The following TLN1 variants were observed in gnomAD, a reference collection of about 807,000 sequenced individuals.
TLN1 encodes talin 1.
Under a neutral mutation model 292.3 loss-of-function variants are expected in TLN1, and 56 were observed. The observed-to-expected ratio is 0.19, with a 90% CI of 0.15 to 0.24. The LOEUF (loss-of-function observed/expected upper bound fraction) is 0.24, where lower values mean the gene tolerates loss of function less well. TLN1 is among the 10% of genes least tolerant of loss of function. The pLI is 1.00. For missense variants in TLN1, 2,433 were observed against 3,248.2 expected, an observed-to-expected ratio of 0.75 and a Z score of 6.10; for synonymous variants, 1,119 against 1,253.7, an observed-to-expected ratio of 0.89 and a Z score of 2.27.
intron 33 of TLN1, 150 bp downstream of exon 33, chr9:35,710,411 G>C: frequency 9.2e-7 from 1 of 1,087,256 alleles, no homozygotes; most frequent in East Asian, 2.4e-5. Flanking sequence ...GCTGACAAGT[G>C]TCTCCACTTC....
chr9:35,703,527 C>T (rs1825505498), intron 48 of TLN1, 33 bp downstream of exon 48: 2 of 1,586,304 alleles, frequency 1.3e-6, no homozygotes, highest in African/African-American at 2.7e-5. Context: ...CTCTCTCTGA[C>T]CCTAGTCACT....
rs780161789 is a variant in TLN1 at position 35,722,128 on chromosome 9, G to A, written c.939C>T (p.Phe313=). 5.0e-6 allele frequency: 8 copies of A among 1,614,138 alleles called. No individual in the cohort carries two copies. The highest frequency in any genetic ancestry group is 6.8e-6 in the Non-Finnish European group (8 of 1,179,972). Residue 313 remains phenylalanine, a synonymous_variant, in exon 9 of 57, where the codon TTC becomes TTT. Coordinates refer to ENST00000314888, the MANE Select transcript of TLN1 (RefSeq NM_006289.4). ...AGGGCCCATAACCTACCTTCACCAG[G>A]AAGAAGGAGACACCGTAAGTCTTGA... is the stretch of plus-strand genomic sequence containing the variant. ...RSLKTYGVSF[F]LVKEKMKGKN...
At chr9:35,725,490 C>T (rs755118189) in intron 2 of TLN1, 75 bp downstream of exon 2, 23 of 1,583,382 alleles carry the variant, frequency 1.5e-5, no homozygotes, top group Non-Finnish European at 2.0e-5. Context: ...AAGGGGTCAA[C>T]TCTCAAGGCC....
At position 35,710,843 on chromosome 9, in the gene TLN1, T is replaced by C; in HGVS notation, c.4157A>G (p.Asp1386Gly). 6.2e-7 allele frequency: 1 copy of C among 1,614,210 alleles called. No homozygotes were observed. Among genetic ancestry groups the C allele is most frequent in the Non-Finnish European group, 8.5e-7 (1 of 1,180,018 alleles). Residue 1386 changes from aspartate to glycine, a missense_variant, in exon 32 of 57, where the codon GAC (aspartate) becomes GGC (glycine). Physicochemically the swap from Asp to Gly is moderately conservative, Grantham distance 94 (BLOSUM62 -1). Transcript: ENST00000314888. ...LLENPVQPINDMSYFGCLDSV... is the reference protein window; with the variant it reads ...LLENPVQPINGMSYFGCLDSV... The stretch of plus-strand genomic sequence containing the variant: ...GTCCAGGCAACCAAAGTAGGACATG[T>C]CATTGATGGGCTGGACTGGGTTCTC...
In TLN1 at chr9:35,712,986, C is replaced by G. The variant is rs1309499319; in HGVS notation, c.3410G>C (p.Gly1137Ala). The G allele has an allele frequency of 6.2e-7, 1 of 1,609,916 alleles. No homozygotes were observed. The highest frequency in any genetic ancestry group is 1.7e-5 in the Admixed American group (1 of 59,702). ...AGGATCTGACGTCAGTGCAGCGACT[C>G]CCCTAGCGGCCTGGGCCAGTGACCG... ...GLRSLAQAAR[G>A]VAALTSDPAV... Residue 1137 changes from glycine (G) to alanine (A), a missense_variant, in exon 27 of 57, where the codon GGA becomes GCA. Physicochemically the swap from Gly to Ala is moderately conservative, Grantham distance 60. Around this residue, in one of 7 missense-constraint regions of TLN1, gnomAD observed 1,384 missense variants for 1,699.6 expected, o/e 0.81. Transcript: ENST00000314888.
chr9:35,724,177 A>G lies in TLN1; in HGVS notation c.654+15T>C, dbSNP rs1172623100. 1 of 1,613,934 alleles carries G rather than the reference A, an allele frequency of 6.2e-7. No homozygotes were observed. Among genetic ancestry groups the G allele is most frequent in the Non-Finnish European group, 8.5e-7 (1 of 1,179,982 alleles). On this transcript the variant is annotated intron_variant, in intron 6 of 56. Coordinates refer to ENST00000314888, the MANE Select transcript of TLN1 (RefSeq NM_006289.4). The surrounding 1 kb of genome is among the most constrained non-coding windows in gnomAD (Gnocchi z 4.7). ...TCCCTATTCCTGCCCCACCCCAGCC[A>G]AGTCCTCTGCATACCTGCACATACA... is the stretch of plus-strand genomic sequence containing the variant.
Position 35,719,621 on chromosome 9 carries a change from T to C in TLN1, c.1585A>G (p.Lys529Glu). 6.2e-7 allele frequency: 1 copy of C among 1,613,492 alleles called. No individual in the cohort carries two copies. The highest frequency in any genetic ancestry group is 8.5e-7 in the Non-Finnish European group (1 of 1,179,380). Residue 529 changes from lysine (K) to glutamate (E), a missense_variant, in exon 15 of 57, where the codon AAG becomes GAG. Lys to Glu is a moderately conservative substitution (Grantham distance 56). Transcript: ENST00000314888. The surrounding 1 kb of genome is among the most constrained non-coding windows in gnomAD (Gnocchi z 4.6). ...TCCATCTTGTTTTTACGCCAGGCCT[T>C]AGAGGCCTGAAAGAGAGAGGAAAAG... ...LPPLGQDAAS[K>E]AWRKNKMDES...
chr9:35,714,981 C>G lies in TLN1; in HGVS notation c.2754+78G>C. The stretch of plus-strand genomic sequence containing the variant: ...TGCCTCAAGGACGTATTAACTTACT[C>G]TCCGCACCTCCCTTTCAGTTCATTC... On this transcript the variant is annotated intron_variant, in intron 21 of 56. Coordinates refer to ENST00000314888, the MANE Select transcript of TLN1 (RefSeq NM_006289.4). The surrounding 1 kb of genome is among the most constrained non-coding windows in gnomAD (Gnocchi z 4.6). The G allele has an allele frequency of 6.2e-7, 1 of 1,611,068 alleles. No homozygotes were observed. The highest frequency in any genetic ancestry group is 1.1e-5 in the South Asian group (1 of 90,850).
chr9:35,700,979 C>T (rs550713847), intron 48 of TLN1, among the ~76,000 whole-genome samples: 4 of 152,250 alleles, frequency 2.6e-5, no homozygotes, highest in African/African-American at 9.6e-5. Context: ...AGCAGCAAAA[C>T]TGAGGACTGT....
At chr9:35,729,567 A>C (rs552144925) in intron 1 of TLN1, among the ~76,000 whole-genome samples, 1 of 152,358 alleles carries the variant, frequency 6.6e-6, no homozygotes, top group Admixed American at 6.5e-5. Context: ...TAACTCTGGC[A>C]GTTACCTTGG....
In TLN1 at chr9:35,724,390, GTC is replaced by G. The variant is rs893343977; in HGVS notation, c.512-58_512-57del. ...ACCCCCATGGCCCCTGTGCTGTCTG[GTC>G]TCTGTTTATTTCTGCATTTCCTACC... On this transcript the variant is annotated intron_variant, in intron 5 of 56. Coordinates refer to ENST00000314888, the MANE Select transcript of TLN1 (RefSeq NM_006289.4). This position sits in a 1 kb window ranked among gnomAD's most constrained non-coding sequence, Gnocchi z 4.7. The G allele has an allele frequency of 3.8e-5, 61 of 1,605,780 alleles. 1 individual carries two copies. In the South Asian group the frequency reaches 5.7e-4, roughly 15 times the overall value.
chr9:35,718,444 A>T (rs1184979620), intron 17 of TLN1, among the ~76,000 whole-genome samples: 1 of 152,126 alleles, frequency 6.6e-6, no homozygotes, highest in Non-Finnish European at 1.5e-5. Context: ...CAGCTGAGGA[A>T]ATTGGCATGG....
chr9:35,709,769 C>A (rs1446273037), intron 33 of TLN1, among the ~76,000 whole-genome samples: 2 of 149,856 alleles, frequency 1.3e-5, no homozygotes, highest in African/African-American at 4.9e-5. Flanking sequence ...CGCCTGTAGT[C>A]CCAGCTACAC....
chr9:35,716,433 T>C lies in TLN1; in HGVS notation c.2582A>G (p.Lys861Arg), dbSNP rs1387532351. Reference sequence around the variant, plus strand: ...CTTGGCTGTGGCATCAGCTAGGATCTTGGCAGCACTTAAGAGCTTGCGGGA... The same window carrying C: ...CTTGGCTGTGGCATCAGCTAGGATCCTGGCAGCACTTAAGAGCTTGCGGGA... ...ENSRKLLSAA[K>R]ILADATAKMV... The change falls in exon 20 of 57, where the codon AAG becomes AGG. Residue 861 changes from lysine to arginine, a missense_variant. Physicochemically the swap from Lys to Arg is conservative, Grantham distance 26. Coordinates refer to ENST00000314888, the MANE Select transcript of TLN1 (RefSeq NM_006289.4). 1.2e-6 allele frequency: 2 copies of C among 1,614,146 alleles called. No homozygotes were observed. The highest frequency in any genetic ancestry group is 2.7e-5 in the African/African-American group (2 of 74,944).
At position 35,714,272 on chromosome 9, in the gene TLN1, G is replaced by A. The variant is rs35844106; in HGVS notation, c.3087C>T (p.Thr1029=). 1.0e-3 allele frequency: 1,643 copies of A among 1,613,270 alleles called. 12 individuals are homozygous for A. The African/African-American group carries it at 0.018, about 18-fold the overall frequency. The change falls in exon 24 of 57, where the codon ACC becomes ACT. Residue 1029 remains threonine (T), a synonymous_variant. Transcript: ENST00000314888. This position sits in a 1 kb window ranked among gnomAD's most constrained non-coding sequence, Gnocchi z 4.6. The part of the protein sequence containing the change: ...QLSQCAKNLG[T]ALAELRTAAQ... ...CAGCCGTCCGGAGTTCAGCCAGCGCGGTGCCCAGGTTCTTGGCACACTGAC... is the reference window on the plus strand; with the variant it reads ...CAGCCGTCCGGAGTTCAGCCAGCGCAGTGCCCAGGTTCTTGGCACACTGAC...
rs753566054 is a variant in TLN1 at position 35,711,206 on chromosome 9, CCA to C, written c.4019+47_4019+48del. On this transcript the variant is annotated intron_variant, in intron 30 of 56. Coordinates refer to ENST00000314888, the MANE Select transcript of TLN1 (RefSeq NM_006289.4). ...GAAGCTCTCATGAACTGCCTGCTCC[CCA>C]GTCTCTCTCACACAGTCCAGGGCTG... 12 of 1,611,744 alleles carry C rather than the reference CCA, an allele frequency of 7.4e-6. No homozygotes were observed. In the Admixed American group the frequency reaches 1.8e-4, roughly 25 times the overall value.
intron 1 of TLN1, among the ~76,000 whole-genome samples, chr9:35,731,782 C>T (rs1019883680): frequency 3.3e-5 from 5 of 152,166 alleles, no homozygotes; most frequent in Non-Finnish European, 5.9e-5. Context: ...GCTTTCCTAC[C>T]CACATGCCCG....
At chr9:35,720,729 A>C in intron 11 of TLN1, 83 bp downstream of exon 11, 1 of 1,369,356 alleles carries the variant, frequency 7.3e-7, no homozygotes, top group East Asian at 2.3e-5. Flanking sequence ...AGGTTCAAGC[A>C]ATCTGAGTGC....
Position 35,707,330 on chromosome 9 carries a change from C to T in TLN1, c.4773+18G>A. 1 of 1,612,828 alleles carries T rather than the reference C, an allele frequency of 6.2e-7. No homozygotes were observed. The highest frequency in any genetic ancestry group is 1.3e-5 in the African/African-American group (1 of 74,992). ...GGTGATAAGCTGGCCCATCAGTTCC[C>T]CCTTCACATCGCCTCACCTCAGGGC... On this transcript the variant is annotated intron_variant, in intron 36 of 56. Transcript: ENST00000314888. The surrounding 1 kb of genome is among the most constrained non-coding windows in gnomAD (Gnocchi z 5.6).
Sources: allele counts gnomAD v4.1 joint callset (sites outside exome capture counted in the v4.1 genomes callset), GRCh38; gene constraint gnomAD v4.1.1; regional missense constraint gnomAD v4.1.1; non-coding constraint Gnocchi (gnomAD v3.1); transcripts MANE v1.5; gene names NCBI Gene and HGNC (gene_info 2026-07-23, HGNC 2026-07-21).